Variants in CCDC3 observed in about 807,000 individuals in gnomAD.
CCDC3 encodes the protein coiled-coil domain-containing protein 3.
CCDC3 carries 24 observed loss-of-function variants against 21.4 expected under a neutral mutation model. That is an observed-to-expected ratio of 1.12 (90% CI 0.81 to 1.58). The LOEUF is 1.58. Ranked by LOEUF, CCDC3 falls within the 40% of genes most tolerant of loss-of-function variation. CCDC3 has a pLI of 0.00. For synonymous variants in CCDC3, 186 were observed against 166.0 expected (o/e 1.12, Z -0.93); for missense variants, 425 against 360.9 (o/e 1.18, Z -1.44).
intron 2 of CCDC3, among the ~76,000 whole-genome samples, chr10:12,918,104 C>T (rs1050643238): frequency 2.0e-5 from 3 of 152,130 alleles, no homozygotes; most frequent in Non-Finnish European, 2.9e-5. Context: ...TTATTAAATA[C>T]GGCTCCCTTC....
chr10:13,082,515 A>C (rs577425839), intron 3 of CCDC3, among the ~76,000 whole-genome samples: 1 of 152,218 alleles, frequency 6.6e-6, no homozygotes, highest in South Asian at 2.1e-4. Context: ...GGCTGCGGGC[A>C]GGCCTGTCTG....
At chr10:13,010,791 C>T (rs73585991) in intron 5 of CCDC3, among the ~76,000 whole-genome samples, 4,097 of 152,294 alleles carry the variant, frequency 0.027, 212 homozygotes, top group African/African-American at 0.093. Context: ...TGAACTATTA[C>T]TACACACCAA....
chr10:12,924,719 A>G (rs1834506226), intron 2 of CCDC3: 1 of 152,210 alleles, frequency 6.6e-6, no homozygotes, highest in Non-Finnish European at 1.5e-5. Flanking sequence ...GGTAGTCACC[A>G]GGCCAGACCC....
intron 3 of CCDC3, among the ~76,000 whole-genome samples, chr10:13,076,823 T>C (rs969840329): frequency 6.6e-6 from 1 of 152,210 alleles, no homozygotes; most frequent in Non-Finnish European, 1.5e-5. Flanking sequence ...AAGTTTTAAA[T>C]TGTCAGCCAA....
intron 2 of CCDC3, among the ~76,000 whole-genome samples, chr10:12,927,329 T>A (rs773955429): frequency 1.3e-5 from 2 of 152,328 alleles, no homozygotes; most frequent in African/African-American, 2.4e-5. Context: ...CATCTCTAGC[T>A]GATAACATTT....
At chr10:13,045,097 T>C (rs1306471170) in intron 5 of CCDC3, among the ~76,000 whole-genome samples, 1 of 152,174 alleles carries the variant, frequency 6.6e-6, no homozygotes, top group Non-Finnish European at 1.5e-5. Flanking sequence ...TTACTCCATT[T>C]ACTGCTTAAA....
chr10:12,928,076 G>C (rs138686250), intron 2 of CCDC3, among the ~76,000 whole-genome samples: 1 of 152,178 alleles, frequency 6.6e-6, no homozygotes, highest in Non-Finnish European at 1.5e-5. Context: ...GGGCCTCAGC[G>C]TGTTACAACA....
intron 2 of CCDC3, among the ~76,000 whole-genome samples, chr10:12,963,075 G>T (rs543127544): frequency 6.6e-6 from 1 of 152,096 alleles, no homozygotes; most frequent in Admixed American, 6.5e-5. Context: ...TTAAAAATAC[G>T]TCTGCAGTTA....
intron 4 of CCDC3, among the ~76,000 whole-genome samples, chr10:13,050,191 G>A (rs1836585776): frequency 6.6e-6 from 1 of 152,192 alleles, no homozygotes; most frequent in South Asian, 2.1e-4. Context: ...CCGTGGGTGT[G>A]GAATTGGGGG....
chr10:12,904,734 T>G, intron 2 of CCDC3, among the ~76,000 whole-genome samples: 1 of 152,126 alleles, frequency 6.6e-6, no homozygotes, highest in East Asian at 1.9e-4. Context: ...GTGAGAAAGT[T>G]TCACCATCAA....
In CCDC3 at chr10:13,001,521, G is replaced by T; in HGVS notation, c.50C>A (p.Ala17Glu). ...LAALCLAGPP[A>E]PARACQLPSE... The stretch of plus-strand genomic sequence containing the variant: ...GGGCAGCTGGCAGGCGCGCGCGGGC[G>T]CTGGGGGACCCGCCAGGCAGAGCGC... Residue 17 changes from alanine to glutamate, a missense_variant, in exon 1 of 3, where the codon GCG becomes GAG. By Grantham distance (107) the Ala-to-Glu change is moderately radical. Coordinates refer to ENST00000378825, the MANE Select transcript of CCDC3 (RefSeq NM_031455.4). 3 of 1,317,528 alleles carry T rather than the reference G, an allele frequency of 2.3e-6. No individual in the cohort carries two copies. In the South Asian group the frequency reaches 6.4e-5, roughly 28 times the overall value. The allele number at this position is 1,317,528 out of a possible 1,614,324, so 81.6% of individuals were successfully genotyped here.
chr10:13,092,067 G>A (rs1261209862), intron 3 of CCDC3, among the ~76,000 whole-genome samples: 3 of 152,206 alleles, frequency 2.0e-5, no homozygotes, highest in Non-Finnish European at 1.5e-5. Context: ...GCAGGGTGCA[G>A]ATAGCTGCAG....
At chr10:13,033,974 C>A (rs1836341129) in intron 5 of CCDC3, among the ~76,000 whole-genome samples, 1 of 152,158 alleles carries the variant, frequency 6.6e-6, no homozygotes, top group African/African-American at 2.4e-5. Context: ...CCATATGACC[C>A]AGCAATCCCA....
intron 2 of CCDC3, among the ~76,000 whole-genome samples, chr10:12,979,616 C>G (rs1835466297): frequency 6.6e-6 from 1 of 152,202 alleles, no homozygotes; most frequent in Admixed American, 6.5e-5. Context: ...AAGTGATCCT[C>G]CTACCTTGGC....
intron 4 of CCDC3, among the ~76,000 whole-genome samples, chr10:13,068,709 G>A (rs181159002): frequency 6.6e-4 from 100 of 152,192 alleles, no homozygotes; most frequent in Admixed American, 3.2e-3. Context: ...CCTTGGCTGC[G>A]ACTTGTACAT....
At chr10:13,041,382 T>C (rs993871957) in intron 5 of CCDC3, among the ~76,000 whole-genome samples, 1 of 152,140 alleles carries the variant, frequency 6.6e-6, no homozygotes, top group African/African-American at 2.4e-5. Context: ...CACATTTTTA[T>C]GTGAATGTTT....
chr10:13,099,464 C>G (rs1323062985), intron 1 of CCDC3: 2 of 143,874 alleles, frequency 1.4e-5, no homozygotes, highest in Non-Finnish European at 3.0e-5. Context: ...TGCAGCGCTA[C>G]CCGGGTACTC....
chr10:13,076,922 G>A (rs1418393485), intron 3 of CCDC3, among the ~76,000 whole-genome samples: 3 of 152,128 alleles, frequency 2.0e-5, no homozygotes, highest in African/African-American at 7.2e-5. Context: ...GACAAAAATT[G>A]CTTCCCATTC....
intron 5 of CCDC3, among the ~76,000 whole-genome samples, chr10:13,048,227 C>G (rs1836553985): frequency 6.6e-6 from 1 of 152,076 alleles, no homozygotes; most frequent in Admixed American, 6.6e-5. Context: ...GAGTCTCGCT[C>G]TGTTGCCAGA....
Sources: allele counts gnomAD v4.1 joint callset (sites outside exome capture counted in the v4.1 genomes callset), GRCh38; gene constraint gnomAD v4.1.1; transcripts MANE v1.5; gene names NCBI Gene and HGNC (gene_info 2026-07-23, HGNC 2026-07-21).